MARCHF3: variants seen among roughly 807,000 people sequenced by gnomAD.
The protein encoded by MARCHF3 is membrane associated ring-CH-type finger 3.
Under a neutral mutation model 24.2 loss-of-function variants are expected in MARCHF3, and 13 were observed. That is an observed-to-expected ratio of 0.54 (90% CI 0.35 to 0.85). The LOEUF is 0.85. Among genes scored for constraint, MARCHF3 ranks in the 40% least tolerant of loss-of-function variants. MARCHF3 has a pLI of 0.01. For synonymous variants in MARCHF3, 144 were observed against 137.3 expected (o/e 1.05, Z -0.34); for missense variants, 276 against 325.0 (o/e 0.85, Z 1.16).
At chr5:126,955,063 G>A (rs945373061) in intron 1 of MARCHF3, among the ~76,000 whole-genome samples, 2 of 152,124 alleles carry the variant, frequency 1.3e-5, no homozygotes, top group African/African-American at 4.8e-5. Context: ...GCCCAACGCT[G>A]TTTCTGAAAT....
chr5:126,928,179 A>G (rs917087441), intron 1 of MARCHF3, among the ~76,000 whole-genome samples: 1 of 152,222 alleles, frequency 6.6e-6, no homozygotes, highest in African/African-American at 2.4e-5. Flanking sequence ...AAAAATCTCT[A>G]GCGTGTCACA....
chr5:126,980,537 A>G (rs367818310), intron 1 of MARCHF3, among the ~76,000 whole-genome samples: 1 of 151,960 alleles, frequency 6.6e-6, no homozygotes, highest in African/African-American at 2.4e-5. Context: ...GGCTCGGCTA[A>G]TTTTTTGTAT....
rs548338238 is a variant in MARCHF3 at position 127,007,485 on chromosome 5, C to CT, written c.-57+22864_-57+22865insA. ...CATGTTTTTCTAATGGTGGTATCTTCATATTATCATTAGGAAATTTCTCAA... is the reference window on the plus strand; with the variant it reads ...CATGTTTTTCTAATGGTGGTATCTTCTATATTATCATTAGGAAATTTCTCAA... On this transcript the variant is annotated intron_variant, in intron 1 of 4. Transcript: ENST00000308660. 2.0e-5 allele frequency among the ~76,000 whole-genome samples: 3 copies of CT among 152,110 alleles called. No individual in the cohort carries two copies. The South Asian group carries it at 6.2e-4, about 32-fold the overall frequency.
intron 1 of MARCHF3, among the ~76,000 whole-genome samples, chr5:126,980,463 C>T (rs867827821): frequency 5.3e-5 from 8 of 151,972 alleles, no homozygotes; most frequent in Middle Eastern, 3.4e-3. Context: ...CTCTGCCTCC[C>T]GGGTTCAAGT....
At chr5:126,963,003 G>A (rs1008241030) in intron 1 of MARCHF3, among the ~76,000 whole-genome samples, 8 of 151,962 alleles carry the variant, frequency 5.3e-5, no homozygotes, top group African/African-American at 1.2e-4. Context: ...GCAACTTGAC[G>A]TTCTCTAAGC....
chr5:126,951,639 G>A (rs906735249), intron 1 of MARCHF3, among the ~76,000 whole-genome samples: 5 of 152,044 alleles, frequency 3.3e-5, no homozygotes, highest in African/African-American at 9.7e-5. Flanking sequence ...CTGTACCCAC[G>A]CTCAAATCAT....
intron 3 of MARCHF3, among the ~76,000 whole-genome samples, chr5:126,891,861 T>C (rs1753704385): frequency 7.1e-6 from 1 of 141,596 alleles, no homozygotes; most frequent in Non-Finnish European, 1.5e-5. Flanking sequence ...TGGCATTGAA[T>C]CTGTAAATTA....
chr5:126,921,544 G>T (rs187960548), intron 1 of MARCHF3, among the ~76,000 whole-genome samples: 1 of 152,344 alleles, frequency 6.6e-6, no homozygotes, highest in Non-Finnish European at 1.5e-5. Flanking sequence ...GCAGGCTGTT[G>T]CCGAGGATGC....
chr5:126,906,365 T>C (rs1004716238), intron 3 of MARCHF3, among the ~76,000 whole-genome samples: 2 of 152,224 alleles, frequency 1.3e-5, no homozygotes, highest in African/African-American at 4.8e-5. Context: ...CTTTGTCTAT[T>C]GATTGGAATA....
rs962397115 is a variant in MARCHF3, at chr5:126,952,684, C to T, written c.-56-34457G>A. 3.9e-5 allele frequency among the ~76,000 whole-genome samples: 6 copies of T among 152,010 alleles called. No individual in the cohort carries two copies. In the East Asian group the frequency reaches 9.7e-4, roughly 24 times the overall value. On this transcript the variant is annotated intron_variant, in intron 1 of 4. Transcript: ENST00000308660. ...TATAACTTTAAATAATATGCCTAAA[C>T]GTTTATTTCTTAATCCATCAACTTG...
At chr5:126,935,550 A>G (rs1335579647) in intron 1 of MARCHF3, among the ~76,000 whole-genome samples, 1 of 150,218 alleles carries the variant, frequency 6.7e-6, no homozygotes, top group Non-Finnish European at 1.5e-5. Context: ...GAACACTAAC[A>G]GAGCAGAAAA....
At chr5:126,997,344 A>C (rs914457440) in intron 1 of MARCHF3, among the ~76,000 whole-genome samples, 1 of 152,122 alleles carries the variant, frequency 6.6e-6, no homozygotes. Context: ...GGAGGTGGGG[A>C]TTAGGGTTTG....
At chr5:126,923,685 TGAATAATCTCTAGA>T (rs1213968049) in intron 1 of MARCHF3, among the ~76,000 whole-genome samples, 5 of 152,228 alleles carry the variant, frequency 3.3e-5, no homozygotes, top group Non-Finnish European at 7.3e-5. Flanking sequence ...TCCAGCAAGA[TGAATAATCTCTAGA>T]GATCTGCTAT....
At chr5:126,871,971 A>G (rs889871011) in intron 4 of MARCHF3, among the ~76,000 whole-genome samples, 7 of 151,906 alleles carry the variant, frequency 4.6e-5, no homozygotes, top group Non-Finnish European at 1.0e-4. Flanking sequence ...TCAGCCTCCC[A>G]AAGGGCTGGG....
intron 1 of MARCHF3, among the ~76,000 whole-genome samples, chr5:126,951,626 C>A (rs1750235838): frequency 6.6e-6 from 1 of 152,146 alleles, no homozygotes; most frequent in African/African-American, 2.4e-5. Context: ...TGTTATTATA[C>A]CTCTGTACCC....
At chr5:126,989,340 A>ACTACTAC (rs1561461812) in intron 1 of MARCHF3, among the ~76,000 whole-genome samples, 2 of 138,424 alleles carry the variant, frequency 1.4e-5, no homozygotes, top group African/African-American at 5.8e-5. Flanking sequence ...ACTACTACTA[A>ACTACTAC]TAATAATAAT....
chr5:126,910,828 G>A lies in MARCHF3; in HGVS notation c.393+4102C>T, dbSNP rs898709596. On this transcript the variant is annotated intron_variant, in intron 3 of 4. Transcript: ENST00000308660. Reference sequence around the variant, plus strand: ...AGAGAGATAACCTTAAACTCTGACTGCTGGTGAGCTGGGCAGAACAGAGCC... The same window carrying A: ...AGAGAGATAACCTTAAACTCTGACTACTGGTGAGCTGGGCAGAACAGAGCC... Among the ~76,000 whole-genome samples the A allele has an allele frequency of 4.6e-5, 7 of 152,238 alleles. No individual in the cohort carries two copies. The South Asian group carries it at 6.2e-4, about 13-fold the overall frequency.
At chr5:126,982,870 A>C (rs996063634) in intron 1 of MARCHF3, among the ~76,000 whole-genome samples, 1 of 152,194 alleles carries the variant, frequency 6.6e-6, no homozygotes, top group African/African-American at 2.4e-5. Context: ...TTGTTATACC[A>C]CTAATGTGGT....
chr5:126,886,897 T>C (rs1753527035), intron 3 of MARCHF3, among the ~76,000 whole-genome samples: 1 of 152,156 alleles, frequency 6.6e-6, no homozygotes, highest in Non-Finnish European at 1.5e-5. Flanking sequence ...CCCTTCCCCC[T>C]ATATCCAGTC....
Sources: allele counts gnomAD v4.1 joint callset (sites outside exome capture counted in the v4.1 genomes callset), GRCh38; gene constraint gnomAD v4.1.1; transcripts MANE v1.5; gene names NCBI Gene and HGNC (gene_info 2026-07-23, HGNC 2026-07-21).